Variants in CACNA1S observed in about 807,000 individuals in gnomAD.
CACNA1S encodes the protein calcium voltage-gated channel subunit alpha1 S, also known as voltage-dependent L-type calcium channel subunit alpha-1S.
Under a neutral mutation model 207.4 loss-of-function variants are expected in CACNA1S, and 126 were observed. The ratio of observed to expected loss-of-function variants is 0.61; its 90% confidence interval spans 0.53 to 0.70. The LOEUF is 0.70. CACNA1S is among the 30% of genes least tolerant of loss of function. The probability of loss-of-function intolerance (pLI) is 0.00; values close to 1 mark genes in which losing one functional copy is unlikely to be tolerated. For missense variants in CACNA1S, 2,349 were observed against 2,422.8 expected, an observed-to-expected ratio of 0.97 and a Z score of 0.64; for synonymous variants, 960 against 932.7, an observed-to-expected ratio of 1.03 and a Z score of -0.53.
chr1:201,089,400 C>T lies in CACNA1S; in HGVS notation c.758G>A (p.Arg253Gln), dbSNP rs768015104. The change falls in exon 6 of 44, where the codon CGG becomes CAG. Residue 253 changes from arginine to glutamine, a missense_variant. Transcript: ENST00000362061. Reference sequence around the variant, plus strand: ...GCACTCACTGCCATTGATGGTGCACCGGCGCCCTGAGCCCGTCCTGGCGCA... The same window carrying T: ...GCACTCACTGCCATTGATGGTGCACTGGCGCCCTGAGCCCGTCCTGGCGCA... ...SPCARTGSGR[R>Q]CTINGSECRG... 1.7e-5 allele frequency: 28 copies of T among 1,614,034 alleles called. No individual in the cohort carries two copies. Among genetic ancestry groups the T allele is most frequent in the South Asian group, 5.5e-5 (5 of 91,084 alleles).
intron 42 of CACNA1S, 85 bp from the exon 43 acceptor site, chr1:201,040,459 C>A (rs1317129472): frequency 3.2e-6 from 5 of 1,552,244 alleles, no homozygotes; most frequent in Non-Finnish European, 4.4e-6. Flanking sequence ...CTGAGGGCAA[C>A]TCAACCAAGA....
chr1:201,099,070 C>T (rs1235132729), intron 2 of CACNA1S, among the ~76,000 whole-genome samples: 2 of 152,222 alleles, frequency 1.3e-5, no homozygotes, highest in African/African-American at 4.8e-5. Context: ...CCTCTATTTT[C>T]AGGCTGAGTC....
chr1:201,058,208 G>A (rs1166736907), intron 28 of CACNA1S, among the ~76,000 whole-genome samples, 200 bp downstream of exon 28: 4 of 152,184 alleles, frequency 2.6e-5, no homozygotes, highest in Admixed American at 1.3e-4. Context: ...TACACCCATT[G>A]TGTCCCCCTG....
Position 201,053,142 on chromosome 1 carries a change from G to T in CACNA1S, c.3861+67C>A, listed in dbSNP as rs1660713719. On this transcript the variant is annotated intron_variant, in intron 31 of 43. Transcript: ENST00000362061. This position sits in a 1 kb window ranked among gnomAD's most constrained non-coding sequence, Gnocchi z 5.1. Reference sequence around the variant, plus strand: ...CCCGTGTGCTGCTCAGGCTCCTCAGGGTCCACTGATGCCCCCTCTAACTTG... The same window carrying T: ...CCCGTGTGCTGCTCAGGCTCCTCAGTGTCCACTGATGCCCCCTCTAACTTG... The T allele has an allele frequency of 6.4e-7, 1 of 1,567,958 alleles. No individual in the cohort carries two copies.
chr1:201,039,852 G>T lies in CACNA1S; in HGVS notation c.5601C>A (p.Thr1867=). Residue 1867 remains threonine (T), a synonymous_variant, in exon 44 of 44, where the codon ACC becomes ACA. Coordinates refer to ENST00000362061, the MANE Select transcript of CACNA1S (RefSeq NM_000069.3). ...SLDQHQGSQE[T]LIPPRL is the part of the protein sequence containing the mutation. ...GGCATCACAGCCTTGGAGGAATAAGGGTCTCCTGGGAGCCCTGGTGTTGGT... is the reference window on the plus strand; with the variant it reads ...GGCATCACAGCCTTGGAGGAATAAGTGTCTCCTGGGAGCCCTGGTGTTGGT... 6.2e-7 allele frequency: 1 copy of T among 1,607,336 alleles called. No homozygotes were observed. The highest frequency in any genetic ancestry group is 8.5e-7 in the Non-Finnish European group (1 of 1,180,012).
In CACNA1S at chr1:201,105,376, A is replaced by G. The variant is rs116163149; in HGVS notation, c.258+4788T>C. Among the ~76,000 whole-genome samples, 384 of 152,272 alleles carry G rather than the reference A, an allele frequency of 2.5e-3. 2 individuals carry two copies. Among genetic ancestry groups the G allele is most frequent in the Non-Finnish European group, 3.7e-3 (253 of 68,018 alleles). On this transcript the variant is annotated intron_variant, in intron 2 of 43. Coordinates refer to ENST00000362061, the MANE Select transcript of CACNA1S (RefSeq NM_000069.3). ...TTAGAAGGTCTTCACTCATCCAGTT[A>G]CCTCTCTCAAGTATACAATATCATC...
chr1:201,075,686 A>T, intron 12 of CACNA1S, 71 bp from the exon 13 acceptor site: 1 of 1,534,778 alleles, frequency 6.5e-7, no homozygotes, highest in South Asian at 1.1e-5. Context: ...GACCGCATTG[A>T]CCGAAGTTCT....
chr1:201,092,140 G>T, intron 3 of CACNA1S, 26 bp from the exon 4 acceptor site: 1 of 1,613,968 alleles, frequency 6.2e-7, no homozygotes, highest in Non-Finnish European at 8.5e-7. Context: ...GGGAGAGAGG[G>T]GGTCCAGGGG....
chr1:201,050,190 A>T (rs1660604478), intron 34 of CACNA1S, among the ~76,000 whole-genome samples, 199 bp downstream of exon 34: 1 of 152,192 alleles, frequency 6.6e-6, no homozygotes, highest in African/African-American at 2.4e-5. Context: ...CAATAAAGTC[A>T]AGGGTGTTTC....
chr1:201,075,027 C>T (rs969258501), intron 13 of CACNA1S, among the ~76,000 whole-genome samples: 11 of 152,192 alleles, frequency 7.2e-5, no homozygotes, highest in Non-Finnish European at 1.2e-4. Context: ...AGTAACTCTC[C>T]GGCCCCATCC....
At chr1:201,058,973 C>T (rs911848169) in intron 27 of CACNA1S, among the ~76,000 whole-genome samples, 11 of 152,208 alleles carry the variant, frequency 7.2e-5, no homozygotes, top group Non-Finnish European at 1.0e-4. Context: ...AAGGAAGAGG[C>T]GCCCAGAGTC....
intron 35 of CACNA1S, 103 bp downstream of exon 35, chr1:201,048,900 C>T (rs970826379): frequency 8.7e-5 from 86 of 992,734 alleles, no homozygotes; most frequent in Non-Finnish European, 1.3e-4. Context: ...CCAGGAGATC[C>T]CGGCTCTACA....
At chr1:201,106,823 G>A (rs1004738962) in intron 2 of CACNA1S, among the ~76,000 whole-genome samples, 1 of 152,226 alleles carries the variant, frequency 6.6e-6, no homozygotes, top group Non-Finnish European at 1.5e-5. Flanking sequence ...CGGCACCCAA[G>A]GGTGTTGCAA....
At chr1:201,076,815 C>A (rs1661637748) in intron 12 of CACNA1S, 105 bp downstream of exon 12, 2 of 1,051,192 alleles carry the variant, frequency 1.9e-6, no homozygotes, top group East Asian at 2.4e-5. Context: ...ACCAGCAGAT[C>A]AGACAAGGCT....
Position 201,092,118 on chromosome 1 carries a change from GA to G in CACNA1S, c.399-5del, listed in dbSNP as rs1348900281. The G allele has an allele frequency of 6.2e-7, 1 of 1,613,998 alleles. No homozygotes were observed. Among genetic ancestry groups the G allele is most frequent in the East Asian group, 2.2e-5 (1 of 44,896 alleles). ...TTCCAGAATCACGGTGAAGACCCTA[GA>G]ATGGAGAAGAGGGAGAGAGGGGGTC... On this transcript the variant is annotated splice_region_variant and splice_polypyrimidine_tract_variant and intron_variant, in intron 3 of 43. Transcript: ENST00000362061.
At chr1:201,052,015 T>A (rs1169838781) in intron 32 of CACNA1S, among the ~76,000 whole-genome samples, 1 of 152,124 alleles carries the variant, frequency 6.6e-6, no homozygotes, top group Non-Finnish European at 1.5e-5. Context: ...CTGGTCTCAG[T>A]AGAGCATTCC....
At chr1:201,086,887 C>A (rs1662055387) in intron 7 of CACNA1S, among the ~76,000 whole-genome samples, 2 of 152,218 alleles carry the variant, frequency 1.3e-5, no homozygotes, top group Non-Finnish European at 1.5e-5. Flanking sequence ...CTGCTAATAG[C>A]ACTGTGGTTT....
chr1:201,083,085 T>A (rs1661895892), intron 10 of CACNA1S, 77 bp downstream of exon 10: 1 of 1,488,598 alleles, frequency 6.7e-7, no homozygotes, highest in Non-Finnish European at 9.4e-7. Flanking sequence ...GCACAACCTG[T>A]GGTGCCATTG....
At chr1:201,067,622 CTGTATG>C (rs1374135776) in intron 19 of CACNA1S, among the ~76,000 whole-genome samples, 1 of 152,192 alleles carries the variant, frequency 6.6e-6, no homozygotes, top group Non-Finnish European at 1.5e-5. Context: ...CCCAGGCCTC[CTGTATG>C]TGCAATATAT....
Sources: gnomAD v4.1 joint callset for allele counts (sites outside exome capture counted in the v4.1 genomes callset) on GRCh38, gnomAD v4.1.1 for gene constraint, Gnocchi (gnomAD v3.1) non-coding constraint, MANE v1.5 for transcripts, NCBI Gene and HGNC (gene_info 2026-07-23, HGNC 2026-07-21) for gene names.